Variants in NTM observed in about 807,000 individuals in gnomAD.
NTM encodes IgLON family member 2.
NTM carries 13 observed loss-of-function variants against 42.1 expected under a neutral mutation model. That is an observed-to-expected ratio of 0.31 (90% confidence interval 0.20 to 0.49). The LOEUF is 0.49. NTM is among the 20% of genes least tolerant of loss of function. NTM has a pLI of 0.99. For synonymous variants in NTM, 187 were observed against 179.2 expected (o/e 1.04, Z -0.35); for missense variants, 373 against 452.8 (o/e 0.82, Z 1.60).
In NTM at chr11:131,480,399, G is replaced by A. The variant is rs1366864277; in HGVS notation, c.82+109511G>A. On this transcript the variant is annotated intron_variant, in intron 1 of 8. Transcript: ENST00000683400. ...ACCAAAAGCTGTCGCTTGATACTAG[G>A]CATTTTCACCAAATGAAGACATCAT... Among the ~76,000 whole-genome samples, 4 of 152,140 alleles carry A rather than the reference G, an allele frequency of 2.6e-5. No individual in the cohort carries two copies. The East Asian group carries it at 5.8e-4, about 22-fold the overall frequency.
chr11:131,862,689 A>C (rs184711134), intron 1 of NTM, among the ~76,000 whole-genome samples: 110 of 152,296 alleles, frequency 7.2e-4, no homozygotes, highest in African/African-American at 2.4e-3. Flanking sequence ...CTTATAGCAA[A>C]GGCTGTGACT....
chr11:132,259,888 A>G (rs1370608224), intron 4 of NTM, among the ~76,000 whole-genome samples: 1 of 151,910 alleles, frequency 6.6e-6, no homozygotes, highest in African/African-American at 2.4e-5. Context: ...AGCTGGGATT[A>G]CAGGAGTGCA....
At chr11:132,164,331 G>A (rs539470594) in intron 3 of NTM, among the ~76,000 whole-genome samples, 3 of 152,260 alleles carry the variant, frequency 2.0e-5, no homozygotes, top group African/African-American at 7.2e-5. Flanking sequence ...CCATTAAAAA[G>A]TGCCATAATC....
chr11:132,077,675 T>C (rs1445261713), intron 2 of NTM, among the ~76,000 whole-genome samples: 1 of 152,242 alleles, frequency 6.6e-6, no homozygotes, highest in Non-Finnish European at 1.5e-5. Context: ...GCCAATGGTG[T>C]GTTTACCAGA....
At chr11:132,048,938 G>A (rs753339471) in intron 2 of NTM, among the ~76,000 whole-genome samples, 2 of 151,818 alleles carry the variant, frequency 1.3e-5, no homozygotes, top group Non-Finnish European at 2.9e-5. Flanking sequence ...TACCCTGTAG[G>A]AGATTCAAGG....
At chr11:131,543,852 C>T (rs1013602481) in intron 1 of NTM, among the ~76,000 whole-genome samples, 3 of 152,178 alleles carry the variant, frequency 2.0e-5, no homozygotes, top group Admixed American at 2.0e-4. Context: ...ATGGCAGGCA[C>T]ATTAATGCCA....
chr11:132,235,297 A>ACCCCCAT (rs1387391041), intron 4 of NTM, among the ~76,000 whole-genome samples: 1 of 151,952 alleles, frequency 6.6e-6, no homozygotes, highest in Non-Finnish European at 1.5e-5. Context: ...GGGTTATCAA[A>ACCCCCAT]CCCCCATCAG....
At chr11:132,086,323 CA>C (rs71067358) in intron 2 of NTM, among the ~76,000 whole-genome samples, 3,332 of 98,876 alleles carry the variant, frequency 0.034, 77 homozygotes, top group African/African-American at 0.1. Flanking sequence ...GACTCCATGT[CA>C]AAAAAAAAAA....
At chr11:132,122,099 G>A (rs368889762) in intron 2 of NTM, among the ~76,000 whole-genome samples, 2 of 152,316 alleles carry the variant, frequency 1.3e-5, no homozygotes, top group East Asian at 1.9e-4. Context: ...GCTGAATTGC[G>A]TGTTTAGGAA....
intron 1 of NTM, among the ~76,000 whole-genome samples, chr11:131,890,940 G>A (rs760334089): frequency 2.0e-5 from 3 of 152,118 alleles, no homozygotes; most frequent in African/African-American, 2.4e-5. Context: ...GGGCAAGCAC[G>A]TCCCTGATTT....
intron 1 of NTM, among the ~76,000 whole-genome samples, chr11:131,865,109 C>G (rs1411243142): frequency 1.3e-5 from 2 of 152,324 alleles, no homozygotes; most frequent in Middle Eastern, 3.4e-3. Flanking sequence ...ATCATGCGCT[C>G]TACCCTGAGA....
At chr11:131,867,018 C>T (rs1051090303) in intron 1 of NTM, among the ~76,000 whole-genome samples, 10 of 152,130 alleles carry the variant, frequency 6.6e-5, no homozygotes, top group African/African-American at 2.4e-4. Context: ...GGGGGCACTC[C>T]CTTTCCTTCT....
In NTM at chr11:131,918,056, G is replaced by T. The variant is rs569964522; in HGVS notation, c.167+6408G>T. ...CGTCTCCTTTCTCCCTCTTTTAAAT[G>T]CATTGCGTTCTTGAATTTGAAAGGT... On this transcript the variant is annotated intron_variant, in intron 2 of 8. Transcript: ENST00000683400. Among the ~76,000 whole-genome samples, 3 of 152,264 alleles carry T rather than the reference G, an allele frequency of 2.0e-5. No homozygotes were observed. In the South Asian group the frequency reaches 6.2e-4, roughly 32 times the overall value.
At chr11:131,917,372 G>A (rs1043429861) in intron 2 of NTM, among the ~76,000 whole-genome samples, 13 of 152,198 alleles carry the variant, frequency 8.5e-5, no homozygotes, top group African/African-American at 2.4e-4. Context: ...TCCTGTGGAG[G>A]TGCTGGAGAC....
chr11:132,296,219 G>T (rs2094603590), intron 4 of NTM, among the ~76,000 whole-genome samples: 1 of 152,164 alleles, frequency 6.6e-6, no homozygotes, highest in South Asian at 2.1e-4. Context: ...CTGGAGCTCA[G>T]CAGGTCCTCC....
At chr11:131,467,065 A>G (rs1248120316) in intron 1 of NTM, among the ~76,000 whole-genome samples, 2 of 152,248 alleles carry the variant, frequency 1.3e-5, no homozygotes, top group African/African-American at 4.8e-5. Flanking sequence ...ACTCTGAAGA[A>G]TTGCTTCAGT....
At chr11:131,705,160 T>C (rs1419805615) in intron 1 of NTM, among the ~76,000 whole-genome samples, 1 of 152,048 alleles carries the variant, frequency 6.6e-6, no homozygotes, top group African/African-American at 2.4e-5. Context: ...CAGAAAGAGA[T>C]TGTCATGAGG....
At chr11:131,572,676 C>T (rs904903264) in intron 1 of NTM, among the ~76,000 whole-genome samples, 2 of 152,180 alleles carry the variant, frequency 1.3e-5, no homozygotes, top group African/African-American at 2.4e-5. Context: ...CAGACATCCC[C>T]ACAGAGGCTC....
At chr11:132,174,910 A>G (rs1197923230) in intron 3 of NTM, among the ~76,000 whole-genome samples, 1 of 152,084 alleles carries the variant, frequency 6.6e-6, no homozygotes, top group Non-Finnish European at 1.5e-5. Context: ...AGCAGAATTC[A>G]TCATAATCAC....
Sources: gnomAD v4.1 joint callset for allele counts (sites outside exome capture counted in the v4.1 genomes callset) on GRCh38, gnomAD v4.1.1 for gene constraint, MANE v1.5 for transcripts, NCBI Gene and HGNC (gene_info 2026-07-23, HGNC 2026-07-21) for gene names.